DYSF: variants seen among roughly 807,000 people sequenced by gnomAD.
The protein encoded by DYSF is dystrophy-associated fer-1-like 1.
DYSF carries 212 observed loss-of-function variants against 274.9 expected under a neutral mutation model. The ratio of observed to expected loss-of-function variants is 0.77; its 90% CI spans 0.69 to 0.86. DYSF has a LOEUF of 0.86. Ranked by LOEUF, DYSF falls within the 40% of genes least tolerant of loss-of-function variation. The probability of loss-of-function intolerance (pLI) is 0.00; values close to 1 mark genes in which losing one functional copy is unlikely to be tolerated. For missense variants in DYSF, 2,666 were observed against 2,783.2 expected (o/e 0.96, Z 0.95); for synonymous variants, 1,091 against 1,078.7 (o/e 1.01, Z -0.22).
At chr2:71,453,850 A>G (rs2080937491) in exon 1 of DYSF, 1 of 810,546 alleles carries the variant, frequency 1.2e-6, no homozygotes, top group Non-Finnish European at 2.1e-6. Context: ...TTTAAGAGCA[A>G]CTGCTCTAAG....
intron 40 of DYSF, among the ~76,000 whole-genome samples, chr2:71,618,266 G>GGT (rs567562489): frequency 6.5e-5 from 3 of 46,048 alleles, no homozygotes; most frequent in Non-Finnish European, 9.8e-5. Context: ...GTGTGGTAGA[G>GGT]GTGTGTGTGT....
At chr2:71,618,621 T>TGGAGTGTGTGTGTGTGGAGTAGA (rs199593606) in intron 40 of DYSF, among the ~76,000 whole-genome samples, 1 of 44,382 alleles carries the variant, frequency 2.3e-5, no homozygotes, top group African/African-American at 6.6e-5. Flanking sequence ...GTGGTAGAGG[T>TGGAGTGTGTGTGTGTGGAGTAGA]GGTGTGTGTG....
intron 42 of DYSF, among the ~76,000 whole-genome samples, chr2:71,652,487 C>T (rs1057131143): frequency 6.6e-6 from 1 of 152,070 alleles, no homozygotes; most frequent in Non-Finnish European, 1.5e-5. Context: ...ACAAAAGAAG[C>T]TTCATGAGGA....
Position 71,653,841 on chromosome 2 carries a change from A to T in DYSF, c.4627-2321A>T, listed in dbSNP as rs1047348007. ...AATAAAATTAAAAAATAATAATAAT[A>T]AAAAAAATTTCTGATATGGCTAAAA... On this transcript the variant is annotated intron_variant, in intron 42 of 55. Transcript: ENST00000410020. Among the ~76,000 whole-genome samples the T allele has an allele frequency of 7.3e-5, 11 of 150,058 alleles. No homozygotes were observed. The Admixed American group carries it at 7.3e-4, about 10-fold the overall frequency.
At chr2:71,627,798 C>A (rs1457312386) in intron 41 of DYSF, among the ~76,000 whole-genome samples, 1 of 152,086 alleles carries the variant, frequency 6.6e-6, no homozygotes, top group African/African-American at 2.4e-5. Flanking sequence ...AGAATTGAAT[C>A]TTTTAACAAT....
chr2:71,500,242 G>GC (rs1046251791), intron 3 of DYSF, among the ~76,000 whole-genome samples: 5 of 151,048 alleles, frequency 3.3e-5, no homozygotes, highest in Admixed American at 2.0e-4. Context: ...CCTCTTCTGC[G>GC]CCCCCCACCT....
At chr2:71,684,207 G>A (rs1404093315) in intron 55 of DYSF, among the ~76,000 whole-genome samples, 2 of 152,242 alleles carry the variant, frequency 1.3e-5, no homozygotes, top group Non-Finnish European at 2.9e-5. Flanking sequence ...GCCTCTTTAA[G>A]CCAAGGGAGA....
At chr2:71,549,141 G>T (rs989202178) in intron 17 of DYSF, among the ~76,000 whole-genome samples, 3 of 152,180 alleles carry the variant, frequency 2.0e-5, no homozygotes, top group African/African-American at 7.2e-5. Flanking sequence ...GGGTGTTGGG[G>T]GCTGCGTCTG....
intron 1 of DYSF, among the ~76,000 whole-genome samples, chr2:71,478,099 T>C (rs1168784548): frequency 1.3e-5 from 2 of 151,844 alleles, no homozygotes; most frequent in Non-Finnish European, 2.9e-5. Context: ...ATTGGGCTTA[T>C]TGTGATTTTA....
chr2:71,685,219 G>A (rs2095342311), intron 55 of DYSF, among the ~76,000 whole-genome samples: 1 of 152,210 alleles, frequency 6.6e-6, no homozygotes, highest in Non-Finnish European at 1.5e-5. Flanking sequence ...CCTGGTCAGA[G>A]CTCCTCCCTG....
chr2:71,500,826 G>GGATTGACA (rs1161988793), intron 3 of DYSF, among the ~76,000 whole-genome samples: 5 of 151,974 alleles, frequency 3.3e-5, no homozygotes, highest in Non-Finnish European at 7.4e-5. Context: ...GTGCTCTGGG[G>GGATTGACA]GATTGACAGG....
intron 52 of DYSF, among the ~76,000 whole-genome samples, chr2:71,676,227 A>C (rs2095219927): frequency 6.6e-6 from 1 of 152,098 alleles, no homozygotes; most frequent in East Asian, 1.9e-4. Flanking sequence ...CATTTTGTTC[A>C]GTTGCCCTCT....
At chr2:71,613,517 C>A in intron 40 of DYSF, 107 bp downstream of exon 40, 1 of 1,000,936 alleles carries the variant, frequency 1.0e-6, no homozygotes, top group Non-Finnish European at 1.6e-6. Flanking sequence ...CCTCTATACA[C>A]ATCCCCTTCT....
chr2:71,581,219 C>T (rs974622105), intron 30 of DYSF, among the ~76,000 whole-genome samples: 5 of 152,236 alleles, frequency 3.3e-5, no homozygotes, highest in Non-Finnish European at 4.4e-5. Context: ...CACGCATACA[C>T]GCTCGCGCCA....
chr2:71,516,059 TC>T, intron 8 of DYSF, 120 bp from the exon 9 acceptor site: 2 of 1,046,266 alleles, frequency 1.9e-6, no homozygotes, highest in Non-Finnish European at 3.0e-6. Flanking sequence ...CTGTGCCCAA[TC>T]CACATTTTCT....
At chr2:71,620,754 G>A in intron 41 of DYSF, 145 bp downstream of exon 41, 2 of 843,882 alleles carry the variant, frequency 2.4e-6, no homozygotes, top group Non-Finnish European at 1.9e-6. Flanking sequence ...ACCTATCTTT[G>A]CCTCACTGAA....
At chr2:71,646,334 C>G (rs1047022889) in intron 42 of DYSF, among the ~76,000 whole-genome samples, 3 of 152,246 alleles carry the variant, frequency 2.0e-5, no homozygotes, top group African/African-American at 7.2e-5. Context: ...TCGCTGCTCC[C>G]TCAGGTGCGG....
intron 55 of DYSF, 46 bp from the exon 56 acceptor site, chr2:71,686,408 G>A (rs1473122264): frequency 3.0e-5 from 48 of 1,611,840 alleles, no homozygotes; most frequent in Non-Finnish European, 3.3e-5. Context: ...GGCTGTGCCT[G>A]CCCCAGTGGG....
intron 41 of DYSF, among the ~76,000 whole-genome samples, chr2:71,638,693 A>G (rs939108169): frequency 6.6e-6 from 1 of 152,324 alleles, no homozygotes; most frequent in South Asian, 2.1e-4. Flanking sequence ...ATAATGTGCC[A>G]GTGTAAGGAT....
Sources: allele counts gnomAD v4.1 joint callset (sites outside exome capture counted in the v4.1 genomes callset), GRCh38; gene constraint gnomAD v4.1.1; transcripts MANE v1.5; gene names NCBI Gene and HGNC (gene_info 2026-07-23, HGNC 2026-07-21).